Variants in PAIP2B observed in about 807,000 individuals in gnomAD.
PAIP2B encodes the protein poly(A) binding protein interacting protein 2B.
PAIP2B carries 13 observed loss-of-function variants against 17.0 expected under a neutral mutation model. The observed-to-expected ratio is 0.76, with a 90% CI of 0.50 to 1.22. The LOEUF is 1.22. Among genes scored for constraint, PAIP2B ranks in the 50% most tolerant of loss-of-function variants. The pLI is 0.00. For synonymous variants in PAIP2B, 43 were observed against 48.7 expected, an observed-to-expected ratio of 0.88 and a Z score of 0.48; for missense variants, 117 against 144.5, an observed-to-expected ratio of 0.81 and a Z score of 0.98.
chr2:71,226,827 C>A (rs1273178967), intron 1 of PAIP2B, 101 bp downstream of exon 1: 2 of 152,280 alleles, frequency 1.3e-5, no homozygotes, highest in East Asian at 3.9e-4. Flanking sequence ...CCCTTCACAG[C>A]CCCGACGGCG....
chr2:71,188,362 C>T lies in PAIP2B; in HGVS notation c.*117G>A. ...GAGTCACAGTATTGTGAGACCACCACTCCCCTTCCCGCTGTGCACCCCTCG... is the reference window on the plus strand; with the variant it reads ...GAGTCACAGTATTGTGAGACCACCATTCCCCTTCCCGCTGTGCACCCCTCG... On this transcript the variant is annotated 3_prime_UTR_variant, in exon 4 of 4. Transcript: ENST00000244221. 11 of 760,784 alleles carry T rather than the reference C, an allele frequency of 1.4e-5. No homozygotes were observed. The highest frequency in any genetic ancestry group is 8.3e-5 in the South Asian group (5 of 60,226). The allele number at this position is 760,784 out of a possible 1,614,324, so 47.1% of individuals were successfully genotyped here. A position where few individuals can be genotyped will look rare whatever the true frequency, so the allele number is the denominator to read the frequency against.
At chr2:71,205,771 G>A (rs1359258371) in intron 1 of PAIP2B, among the ~76,000 whole-genome samples, 2 of 152,212 alleles carry the variant, frequency 1.3e-5, no homozygotes, top group Non-Finnish European at 2.9e-5. Flanking sequence ...AAAGTCTAGT[G>A]TAGTGAGGAC....
At chr2:71,208,875 G>T (rs1457348122) in intron 1 of PAIP2B, among the ~76,000 whole-genome samples, 1 of 152,168 alleles carries the variant, frequency 6.6e-6, no homozygotes, top group Non-Finnish European at 1.5e-5. Context: ...AAGAGGCAAA[G>T]AACAAATTCT....
In PAIP2B at chr2:71,186,464, A is replaced by G. The variant is rs1038416406; in HGVS notation, c.*2015T>C. 1 of 152,258 alleles carries G rather than the reference A, an allele frequency of 6.6e-6. No individual in the cohort carries two copies. The allele number at this position is 152,258 out of a possible 1,614,324, so 9.4% of individuals were successfully genotyped here. A position where few individuals can be genotyped will look rare whatever the true frequency, so the allele number is the denominator to read the frequency against. On this transcript the variant is annotated 3_prime_UTR_variant, in exon 4 of 4. Transcript: ENST00000244221. ...TTCATAGTCCTGAAGACTGACATCC[A>G]AAACAGACCAGCACAGCAGAAGGAA...
At position 71,183,625 on chromosome 2, in the gene PAIP2B, T is replaced by C. The variant is rs1674455860; in HGVS notation, c.*4854A>G. ...TAAAAGGAACAAACTACCAAGACGT[T>C]ATCTGTCATGGACAAACCTCAAAAA... is the stretch of plus-strand genomic sequence containing the variant. On this transcript the variant is annotated 3_prime_UTR_variant, in exon 4 of 4. Transcript: ENST00000244221. 1 of 151,684 alleles carries C rather than the reference T, an allele frequency of 6.6e-6. No homozygotes were observed. Among genetic ancestry groups the C allele is most frequent in the Middle Eastern group, 3.2e-3 (1 of 314 alleles). 9.4% of individuals were successfully genotyped at this position (151,684 alleles called of 1,614,324 possible). A position where few individuals can be genotyped will look rare whatever the true frequency, so the allele number is the denominator to read the frequency against.
intron 2 of PAIP2B, among the ~76,000 whole-genome samples, chr2:71,193,836 C>CA (rs34132481): frequency 7.1e-5 from 10 of 141,606 alleles, no homozygotes; most frequent in South Asian, 2.2e-4. Context: ...GACTCTGTCC[C>CA]AAAAAAAAAA....
chr2:71,215,087 T>C (rs1454200698), intron 1 of PAIP2B, among the ~76,000 whole-genome samples: 2 of 152,196 alleles, frequency 1.3e-5, no homozygotes. Context: ...ACTGAATGAA[T>C]TTAATGTTAC....
At position 71,185,642 on chromosome 2, in the gene PAIP2B, G is replaced by A. The variant is rs1481521162; in HGVS notation, c.*2837C>T. ...TTGGAAACTAAAGGTGTTAACAAAGGTCAAGCCTTTCCTTAGGATCGTTTC... is the reference window on the plus strand; with the variant it reads ...TTGGAAACTAAAGGTGTTAACAAAGATCAAGCCTTTCCTTAGGATCGTTTC... On this transcript the variant is annotated 3_prime_UTR_variant, in exon 4 of 4. Coordinates refer to ENST00000244221, the MANE Select transcript of PAIP2B (RefSeq NM_020459.1). 1 of 151,710 alleles carries A rather than the reference G, an allele frequency of 6.6e-6. No homozygotes were observed. The highest frequency in any genetic ancestry group is 1.5e-5 in the Non-Finnish European group (1 of 68,016). The allele number at this position is 151,710 out of a possible 1,614,324, so 9.4% of individuals were successfully genotyped here. A position where few individuals can be genotyped will look rare whatever the true frequency, so the allele number is the denominator to read the frequency against.
intron 1 of PAIP2B, among the ~76,000 whole-genome samples, chr2:71,204,103 T>A (rs919409476): frequency 6.6e-6 from 1 of 152,174 alleles, no homozygotes; most frequent in Non-Finnish European, 1.5e-5. Context: ...CTCCTTCCAA[T>A]TAGATTCTCA....
intron 1 of PAIP2B, among the ~76,000 whole-genome samples, chr2:71,211,359 C>T (rs6716492): frequency 0.13 from 20,221 of 151,928 alleles, 1,486 homozygotes; most frequent in South Asian, 0.3. Context: ...GAAGTTTTTC[C>T]ACATCCATAC....
intron 1 of PAIP2B, among the ~76,000 whole-genome samples, chr2:71,216,212 T>C (rs1675425680): frequency 6.6e-6 from 1 of 152,212 alleles, no homozygotes; most frequent in Non-Finnish European, 1.5e-5. Context: ...CTCAAAGCTC[T>C]TTACCAGTTT....
intron 1 of PAIP2B, among the ~76,000 whole-genome samples, chr2:71,210,637 A>G (rs1675271395): frequency 6.6e-6 from 1 of 152,240 alleles, no homozygotes; most frequent in Admixed American, 6.5e-5. Flanking sequence ...AAAGAGGAAA[A>G]TCACTTATGT....
chr2:71,201,815 C>G (rs991740249), intron 2 of PAIP2B, among the ~76,000 whole-genome samples: 18 of 152,186 alleles, frequency 1.2e-4, no homozygotes, highest in African/African-American at 4.1e-4. Flanking sequence ...TAGTGCTCCA[C>G]TGTTCAAGCA....
Position 71,222,350 on chromosome 2 carries a change from G to A in PAIP2B, c.-12+4578C>T, listed in dbSNP as rs1385201152. On this transcript the variant is annotated intron_variant, in intron 1 of 3. Transcript: ENST00000244221. ...GTGCTTCAGCTGAGGACGGCATATA[G>A]GCTGAACTTCAGGGAGATCAATCAC... 2.0e-5 allele frequency among the ~76,000 whole-genome samples: 3 copies of A among 152,168 alleles called. No homozygotes were observed. The East Asian group carries it at 5.8e-4, about 29-fold the overall frequency.
chr2:71,191,796 G>A (rs1249228131), intron 2 of PAIP2B, among the ~76,000 whole-genome samples: 4 of 152,230 alleles, frequency 2.6e-5, no homozygotes, highest in African/African-American at 7.2e-5. Flanking sequence ...GGGGGTGGCA[G>A]AGCAATACCG....
intron 1 of PAIP2B, among the ~76,000 whole-genome samples, chr2:71,214,082 C>T: frequency 6.6e-6 from 1 of 152,114 alleles, no homozygotes; most frequent in Non-Finnish European, 1.5e-5. Flanking sequence ...CTCAAGTGAT[C>T]CTCCCACCTC....
At chr2:71,199,453 A>G (rs1310143944) in intron 2 of PAIP2B, among the ~76,000 whole-genome samples, 1 of 151,996 alleles carries the variant, frequency 6.6e-6, no homozygotes, top group East Asian at 1.9e-4. Flanking sequence ...ATAAGATTTT[A>G]CAATTCACTA....
In PAIP2B at chr2:71,186,327, A is replaced by T. The variant is rs1572916726; in HGVS notation, c.*2152T>A. On this transcript the variant is annotated 3_prime_UTR_variant, in exon 4 of 4. Transcript: ENST00000244221. Reference sequence around the variant, plus strand: ...GCCGGAAGCAGAGTCCTATGCATTTAAAAAAGAATCAATTTGCTAGCTGCT... The same window carrying T: ...GCCGGAAGCAGAGTCCTATGCATTTTAAAAAGAATCAATTTGCTAGCTGCT... 6.6e-6 allele frequency: 1 copy of T among 152,254 alleles called. No homozygotes were observed. Among genetic ancestry groups the T allele is most frequent in the African/African-American group, 2.4e-5 (1 of 41,462 alleles). 9.4% of individuals were successfully genotyped at this position (152,254 alleles called of 1,614,324 possible). A position where few individuals can be genotyped will look rare whatever the true frequency, so the allele number is the denominator to read the frequency against.
At chr2:71,201,883 A>G (rs1192599223) in intron 2 of PAIP2B, among the ~76,000 whole-genome samples, 2 of 152,334 alleles carry the variant, frequency 1.3e-5, no homozygotes, top group African/African-American at 4.8e-5. Flanking sequence ...TCCTAGGATT[A>G]AAGGCAGAAT....
Sources: gnomAD v4.1 joint callset for allele counts (sites outside exome capture counted in the v4.1 genomes callset) on GRCh38, gnomAD v4.1.1 for gene constraint, MANE v1.5 for transcripts, NCBI Gene and HGNC (gene_info 2026-07-23, HGNC 2026-07-21) for gene names.